The following SPATA16 variants were observed in gnomAD, a reference collection of about 807,000 sequenced individuals.
SPATA16 encodes spermatogenesis-associated protein 16.
A neutral mutation model predicts 63.3 loss-of-function variants in SPATA16; 36 were observed. That is an observed-to-expected ratio of 0.57 (90% confidence interval 0.44 to 0.75). SPATA16 has a LOEUF of 0.75. Among genes scored for constraint, SPATA16 ranks in the 30% least tolerant of loss-of-function variants. The pLI is 0.00. For synonymous variants in SPATA16, 203 were observed against 216.7 expected (o/e 0.94, Z 0.56); for missense variants, 646 against 679.3 (o/e 0.95, Z 0.54).
intron 8 of SPATA16, among the ~76,000 whole-genome samples, chr3:172,917,027 T>C (rs1732509088): frequency 6.6e-6 from 1 of 152,242 alleles, no homozygotes; most frequent in Non-Finnish European, 1.5e-5. Flanking sequence ...CAGTCTCCTT[T>C]TCTTTTTGAC....
chr3:173,009,643 C>T (rs1167345386), intron 4 of SPATA16, among the ~76,000 whole-genome samples: 2 of 152,260 alleles, frequency 1.3e-5, no homozygotes, highest in African/African-American at 4.8e-5. Context: ...CAGGAGCAGA[C>T]TACAGACCGC....
chr3:173,085,159 T>G (rs1737020880), intron 2 of SPATA16, among the ~76,000 whole-genome samples: 1 of 152,196 alleles, frequency 6.6e-6, no homozygotes, highest in African/African-American at 2.4e-5. Flanking sequence ...GCATAGGATG[T>G]TTTTCCATTT....
chr3:173,120,254 T>C (rs534378789), intron 1 of SPATA16, among the ~76,000 whole-genome samples: 2 of 152,188 alleles, frequency 1.3e-5, no homozygotes, highest in Non-Finnish European at 2.9e-5. Flanking sequence ...ATGATTTGGA[T>C]TGAGTAAAAA....
chr3:172,940,453 T>C (rs141786445), intron 6 of SPATA16, among the ~76,000 whole-genome samples: 2 of 152,286 alleles, frequency 1.3e-5, no homozygotes, highest in East Asian at 1.9e-4. Context: ...AAACAACAAA[T>C]AGCAGAATTA....
chr3:172,969,514 A>G (rs1238682504), intron 5 of SPATA16, among the ~76,000 whole-genome samples: 1 of 152,182 alleles, frequency 6.6e-6, no homozygotes, highest in African/African-American at 2.4e-5. Flanking sequence ...AGAAAAATAC[A>G]GTTTTTAGTA....
intron 2 of SPATA16, among the ~76,000 whole-genome samples, chr3:173,096,835 A>G (rs1331774232): frequency 2.0e-5 from 1 of 48,950 alleles, no homozygotes; most frequent in Non-Finnish European, 3.7e-5. Flanking sequence ...TGTTTATTAA[A>G]GGGAATATGT....
At chr3:173,004,201 T>A (rs1734889149) in intron 4 of SPATA16, among the ~76,000 whole-genome samples, 1 of 152,322 alleles carries the variant, frequency 6.6e-6, no homozygotes, top group South Asian at 2.1e-4. Context: ...CAGAGTTTGC[T>A]GTTAGAATTT....
chr3:173,046,509 G>A (rs1312960620), intron 3 of SPATA16, among the ~76,000 whole-genome samples: 1 of 151,878 alleles, frequency 6.6e-6, no homozygotes, highest in Admixed American at 6.6e-5. Flanking sequence ...TAATTTTTGT[G>A]TTAACAAGTC....
chr3:172,945,334 G>A (rs940202896), intron 6 of SPATA16, among the ~76,000 whole-genome samples: 2 of 152,142 alleles, frequency 1.3e-5, no homozygotes, highest in African/African-American at 4.8e-5. Flanking sequence ...TAAGGAGGAG[G>A]CAGAGCAAGA....
intron 3 of SPATA16, among the ~76,000 whole-genome samples, chr3:173,046,620 T>G (rs1196771899): frequency 6.6e-6 from 1 of 152,160 alleles, no homozygotes; most frequent in East Asian, 1.9e-4. Flanking sequence ...TAATTTTGAT[T>G]CATGATTAGT....
intron 10 of SPATA16, among the ~76,000 whole-genome samples, chr3:172,906,235 G>A (rs933425166): frequency 6.6e-6 from 1 of 152,074 alleles, no homozygotes; most frequent in Non-Finnish European, 1.5e-5. Flanking sequence ...GAAAATCATG[G>A]GATCTAAAAG....
rs981315273 is a variant in SPATA16, at chr3:172,916,248, T to C, written c.1503+69A>G. 6.9e-5 allele frequency: 106 copies of C among 1,538,886 alleles called. No homozygotes were observed. The Admixed American group carries it at 1.6e-3, about 23-fold the overall frequency. ...ACCACAGGATTTTTTTTTTTTTTTT[T>C]CCCCAGACCATATCACTTTTCTGTT... On this transcript the variant is annotated intron_variant, in intron 9 of 10. Transcript: ENST00000351008.
chr3:173,012,210 A>C (rs1194404620), intron 4 of SPATA16, among the ~76,000 whole-genome samples: 1 of 152,230 alleles, frequency 6.6e-6, no homozygotes, highest in African/African-American at 2.4e-5. Flanking sequence ...AAAATGAAAT[A>C]CCTAGGAACA....
At chr3:172,986,102 T>C (rs1325871086) in intron 4 of SPATA16, among the ~76,000 whole-genome samples, 1 of 152,164 alleles carries the variant, frequency 6.6e-6, no homozygotes, top group Non-Finnish European at 1.5e-5. Context: ...TGTATTTTGC[T>C]TTTTAGGTAT....
intron 2 of SPATA16, among the ~76,000 whole-genome samples, chr3:173,114,737 C>A (rs1192969195): frequency 6.6e-6 from 1 of 152,156 alleles, no homozygotes; most frequent in Non-Finnish European, 1.5e-5. Context: ...GCCGTCCATC[C>A]TATCTTATTC....
At chr3:173,008,777 T>C (rs1734996881) in intron 4 of SPATA16, among the ~76,000 whole-genome samples, 1 of 151,974 alleles carries the variant, frequency 6.6e-6, no homozygotes, top group African/African-American at 2.4e-5. Flanking sequence ...AGAACAACAG[T>C]CATAACTACA....
intron 4 of SPATA16, among the ~76,000 whole-genome samples, chr3:173,002,067 T>C (rs753930010): frequency 6.6e-6 from 1 of 152,224 alleles, no homozygotes; most frequent in Non-Finnish European, 1.5e-5. Flanking sequence ...TATATCAGTA[T>C]GGATGCATAG....
At chr3:173,006,188 C>G (rs1231739773) in intron 4 of SPATA16, among the ~76,000 whole-genome samples, 1 of 152,112 alleles carries the variant, frequency 6.6e-6, no homozygotes, top group Non-Finnish European at 1.5e-5. Context: ...TTTTACAGTG[C>G]TTAGCATTCA....
chr3:173,104,904 C>T (rs1737583975), intron 2 of SPATA16, among the ~76,000 whole-genome samples: 1 of 152,068 alleles, frequency 6.6e-6, no homozygotes, highest in East Asian at 1.9e-4. Context: ...TTTGCATTTC[C>T]CTTAGGCTAC....
Sources: allele counts gnomAD v4.1 joint callset (sites outside exome capture counted in the v4.1 genomes callset), GRCh38; gene constraint gnomAD v4.1.1; transcripts MANE v1.5; gene names NCBI Gene and HGNC (gene_info 2026-07-23, HGNC 2026-07-21).